STK31: variants seen among roughly 807,000 people sequenced by gnomAD.
STK31 encodes serine/threonine kinase 31.
A neutral mutation model predicts 129.7 loss-of-function variants in STK31; 89 were observed. The ratio of observed to expected loss-of-function variants is 0.69; its 90% CI spans 0.58 to 0.82. The LOEUF is 0.82. Ranked by LOEUF, STK31 falls within the 40% of genes least tolerant of loss-of-function variation. The pLI is 0.00. For missense variants in STK31, 1,187 were observed against 1,176.4 expected, an observed-to-expected ratio of 1.01 and a Z score of -0.13; for synonymous variants, 448 against 395.3, an observed-to-expected ratio of 1.13 and a Z score of -1.58.
chr7:23,710,582 CCA>C, intron 1 of STK31: 2 of 1,363,238 alleles, frequency 1.5e-6, no homozygotes, highest in South Asian at 1.6e-5. Flanking sequence ...CACGCAGCCT[CCA>C]CACTCTCTTC....
chr7:23,815,032 C>A, intron 22 of STK31, 112 bp from the exon 23 acceptor site: 1 of 708,782 alleles, frequency 1.4e-6, no homozygotes, highest in Non-Finnish European at 2.2e-6. Flanking sequence ...AATGTGCTTT[C>A]TTTAAGTAAG....
At chr7:23,801,128 G>A (rs1792341601) in intron 22 of STK31, among the ~76,000 whole-genome samples, 1 of 152,160 alleles carries the variant, frequency 6.6e-6, no homozygotes, top group Non-Finnish European at 1.5e-5. Flanking sequence ...TTAAGGACCT[G>A]CCAAACTGTT....
At chr7:23,796,363 T>TA (rs1562610083) in intron 22 of STK31, among the ~76,000 whole-genome samples, 1 of 151,948 alleles carries the variant, frequency 6.6e-6, no homozygotes, top group Non-Finnish European at 1.5e-5. Flanking sequence ...AAGTTTTTTT[T>TA]TTTGTTTCTG....
chr7:23,717,535 TGC>T lies in STK31; in HGVS notation c.206_207del (p.Cys69SerfsTer11). 6.2e-7 allele frequency: 1 copy of T among 1,613,388 alleles called. No individual in the cohort carries two copies. Among genetic ancestry groups the T allele is most frequent in the Non-Finnish European group, 8.5e-7 (1 of 1,179,602 alleles). On this transcript the variant is annotated frameshift_variant, in exon 4 of 24. Transcript: ENST00000355870. LOFTEE classifies it high-confidence loss of function. ...MKIGCSLSEV[C>X]PQASSVLGNL... ...GATTGGTTGCTCACTGTCTGAAGTT[TGC>T]CCCCAGGCCAGTTCAGTTTTGGGGA...
intron 22 of STK31, among the ~76,000 whole-genome samples, chr7:23,806,553 A>G (rs188316324): frequency 1.5e-4 from 23 of 152,310 alleles, no homozygotes; most frequent in Non-Finnish European, 3.1e-4. Context: ...ATCATAATGA[A>G]GCAGACTGGG....
chr7:23,769,719 A>G lies in STK31; in HGVS notation c.1676A>G (p.Glu559Gly). The G allele has an allele frequency of 6.2e-7, 1 of 1,610,168 alleles. No individual in the cohort carries two copies. Among genetic ancestry groups the G allele is most frequent in the Non-Finnish European group, 8.5e-7 (1 of 1,177,840 alleles). Residue 559 changes from glutamate to glycine, a missense_variant, in exon 13 of 24, where the codon GAG becomes GGG. Physicochemically the swap from Glu to Gly is moderately conservative, Grantham distance 98 (BLOSUM62 -2). Around this residue, in one of 5 missense-constraint regions of STK31, gnomAD observed 975 missense variants for 934.9 expected, o/e 1.04. Transcript: ENST00000355870. ...DNIDEILEKT[E>G]SSVCKELEIA... is the part of the protein sequence containing the mutation. ...ATTGATGAAATCCTAGAGAAGACTG[A>G]GTCAAGTGTCTGCAAAGAGCTGGAG...
rs888748742 is a variant in STK31 at position 23,754,149 on chromosome 7, GA to G, written c.1134-159del. On this transcript the variant is annotated intron_variant, in intron 9 of 23. Transcript: ENST00000355870. ...ATGTCTGCATAAAAATATGTGGACT[GA>G]AAAAAATAAGTTATACATGATTTTA... Among the ~76,000 whole-genome samples, 695 of 152,140 alleles carry G rather than the reference GA, an allele frequency of 4.6e-3. 7 individuals carry two copies. The highest frequency in any genetic ancestry group is 0.016 in the African/African-American group (657 of 41,506).
At chr7:23,768,436 A>T (rs928652556) in intron 11 of STK31, among the ~76,000 whole-genome samples, 8 of 152,192 alleles carry the variant, frequency 5.3e-5, no homozygotes, top group African/African-American at 1.9e-4. Context: ...GTCTTTACTT[A>T]ATTAGAATTA....
At chr7:23,817,244 G>A (rs1793528229) in intron 23 of STK31, among the ~76,000 whole-genome samples, 1 of 152,068 alleles carries the variant, frequency 6.6e-6, no homozygotes. Context: ...ATCATGCCTT[G>A]CTAGGCATGC....
chr7:23,788,377 AT>A (rs2128112594), intron 21 of STK31, among the ~76,000 whole-genome samples: 1 of 152,288 alleles, frequency 6.6e-6, no homozygotes, highest in South Asian at 2.1e-4. Flanking sequence ...AACATTAATA[AT>A]TTTGTCATCA....
intron 15 of STK31, among the ~76,000 whole-genome samples, chr7:23,776,567 A>G (rs966386344): frequency 1.3e-5 from 2 of 152,106 alleles, no homozygotes; most frequent in African/African-American, 4.8e-5. Context: ...GGGAGGGTGT[A>G]TGTGTCCAGG....
intron 11 of STK31, among the ~76,000 whole-genome samples, chr7:23,768,218 T>C (rs1332812814): frequency 6.6e-6 from 1 of 152,190 alleles, no homozygotes; most frequent in African/African-American, 2.4e-5. Flanking sequence ...TTGTTACAAT[T>C]GCTTACATTA....
chr7:23,781,926 A>G (rs183580278), intron 16 of STK31, among the ~76,000 whole-genome samples: 67 of 152,264 alleles, frequency 4.4e-4, no homozygotes, highest in African/African-American at 1.6e-3. Flanking sequence ...CCTTACATCA[A>G]CGTCATTTTC....
chr7:23,727,504 G>T, intron 5 of STK31, 189 bp downstream of exon 5: 7 of 397,078 alleles, frequency 1.8e-5, no homozygotes, highest in Non-Finnish European at 3.3e-5. Context: ...TTCAAGAATA[G>T]ATTATATAAT....
intron 15 of STK31, among the ~76,000 whole-genome samples, chr7:23,776,951 G>T (rs1269385104): frequency 6.6e-6 from 1 of 152,072 alleles, no homozygotes; most frequent in African/African-American, 2.4e-5. Flanking sequence ...TTTCACCTGT[G>T]GGCATTTAGT....
chr7:23,762,787 T>C lies in STK31; in HGVS notation c.1294-14T>C. ...GATGTATTAATGATGGTTATTCTTTTTTTCTTCCTCCAGAGTGAAGGGAAT... is the reference window on the plus strand; with the variant it reads ...GATGTATTAATGATGGTTATTCTTTCTTTCTTCCTCCAGAGTGAAGGGAAT... On this transcript the variant is annotated splice_polypyrimidine_tract_variant and intron_variant, in intron 10 of 23. Coordinates refer to ENST00000355870, the MANE Select transcript of STK31 (RefSeq NM_031414.5). 6.2e-7 allele frequency: 1 copy of C among 1,608,004 alleles called. No homozygotes were observed. The highest frequency in any genetic ancestry group is 8.5e-7 in the Non-Finnish European group (1 of 1,178,290).
chr7:23,712,209 T>G, intron 2 of STK31, 25 bp from the exon 3 acceptor site: 1 of 1,614,102 alleles, frequency 6.2e-7, no homozygotes, highest in Non-Finnish European at 8.5e-7. Flanking sequence ...TTTCTAATTT[T>G]CCTTGTATTG....
At chr7:23,813,536 T>C (rs1410261358) in intron 22 of STK31, among the ~76,000 whole-genome samples, 1 of 152,212 alleles carries the variant, frequency 6.6e-6, no homozygotes, top group Admixed American at 6.5e-5. Flanking sequence ...CTTGTTTAGG[T>C]TTAAACAGAG....
At chr7:23,756,640 CTG>C (rs1789100652) in intron 10 of STK31, among the ~76,000 whole-genome samples, 1 of 152,146 alleles carries the variant, frequency 6.6e-6, no homozygotes, top group Non-Finnish European at 1.5e-5. Flanking sequence ...TCATAAATAA[CTG>C]TTACTATTTT....
Sources: allele counts gnomAD v4.1 joint callset (sites outside exome capture counted in the v4.1 genomes callset), GRCh38; gene constraint gnomAD v4.1.1; regional missense constraint gnomAD v4.1.1; transcripts MANE v1.5; gene names NCBI Gene and HGNC (gene_info 2026-07-23, HGNC 2026-07-21).